Variants in CCDC178 observed in about 807,000 individuals in gnomAD.
CCDC178 encodes coiled-coil domain-containing protein 178.
CCDC178 carries 126 observed loss-of-function variants against 117.4 expected under a neutral mutation model. The ratio of observed to expected loss-of-function variants is 1.07; its 90% confidence interval spans 0.93 to 1.24. The LOEUF (loss-of-function observed/expected upper bound fraction) is 1.24. Among genes scored for constraint, CCDC178 ranks in the 50% most tolerant of loss-of-function variants. The pLI is 0.00. For missense variants in CCDC178, 1,030 were observed against 986.9 expected (o/e 1.04, Z -0.59); for synonymous variants, 283 against 313.4 (o/e 0.90, Z 1.02).
chr18:33,363,817 A>G (rs544869530), intron 6 of CCDC178, among the ~76,000 whole-genome samples: 4 of 152,170 alleles, frequency 2.6e-5, no homozygotes, highest in Admixed American at 2.6e-4. Context: ...CTGTTTTAAG[A>G]AAAGGTCATT....
At chr18:33,319,627 A>G (rs962397593) in intron 11 of CCDC178, among the ~76,000 whole-genome samples, 1 of 152,194 alleles carries the variant, frequency 6.6e-6, no homozygotes. Flanking sequence ...ACTGTCTTCC[A>G]CAATGGTTGA....
chr18:33,241,507 A>G (rs2059488152), intron 15 of CCDC178, among the ~76,000 whole-genome samples: 1 of 151,088 alleles, frequency 6.6e-6, no homozygotes, highest in Non-Finnish European at 1.5e-5. Flanking sequence ...AGAACTGATA[A>G]ATTCCTTAAA....
At chr18:32,965,016 C>T (rs144540638) in intron 22 of CCDC178, among the ~76,000 whole-genome samples, 1,659 of 151,894 alleles carry the variant, frequency 0.011, 15 homozygotes, top group African/African-American at 0.013. Flanking sequence ...ATTAAGTTAA[C>T]GATTTTTGTC....
At chr18:33,049,862 A>G (rs1172158491) in intron 21 of CCDC178, among the ~76,000 whole-genome samples, 1 of 151,082 alleles carries the variant, frequency 6.6e-6, no homozygotes, top group Non-Finnish European at 1.5e-5. Context: ...GGGGGTGGAT[A>G]CTTGAGGTAA....
intron 14 of CCDC178, among the ~76,000 whole-genome samples, chr18:33,261,988 ATTT>A (rs2059756529): frequency 6.6e-6 from 1 of 151,982 alleles, no homozygotes; most frequent in Non-Finnish European, 1.5e-5. Flanking sequence ...TTTCTCTTAT[ATTT>A]TCTAAGTAGA....
intron 15 of CCDC178, among the ~76,000 whole-genome samples, chr18:33,227,556 GTATATA>G (rs145380258): frequency 2.3e-4 from 25 of 110,952 alleles, no homozygotes; most frequent in Middle Eastern, 5.3e-3. Context: ...GTGTGTGTGT[GTATATA>G]TATATATATA....
At chr18:33,228,180 T>C (rs1314098248) in intron 15 of CCDC178, among the ~76,000 whole-genome samples, 1 of 152,326 alleles carries the variant, frequency 6.6e-6, no homozygotes, top group East Asian at 1.9e-4. Context: ...TCTTAGATTA[T>C]GCAGAACCTT....
intron 20 of CCDC178, among the ~76,000 whole-genome samples, chr18:33,154,576 T>C (rs72945335): frequency 0.051 from 7,757 of 152,160 alleles, 301 homozygotes; most frequent in East Asian, 0.11. Context: ...ATAAAACATA[T>C]AAATAATGCA....
chr18:33,414,471 C>T (rs547555195), intron 2 of CCDC178, among the ~76,000 whole-genome samples: 2 of 152,206 alleles, frequency 1.3e-5, no homozygotes, highest in African/African-American at 2.4e-5. Flanking sequence ...ATTTAATAAA[C>T]AGTGCTGGGA....
chr18:33,139,383 A>C (rs1381569558), intron 20 of CCDC178, among the ~76,000 whole-genome samples: 1 of 152,176 alleles, frequency 6.6e-6, no homozygotes, highest in African/African-American at 2.4e-5. Context: ...GAGGGCTCAG[A>C]AGAAGACAAG....
chr18:32,956,127 A>G (rs1327120052), intron 22 of CCDC178, among the ~76,000 whole-genome samples: 2 of 152,138 alleles, frequency 1.3e-5, no homozygotes, highest in Non-Finnish European at 2.9e-5. Context: ...TTAAGTGAGA[A>G]AGATAAAAAC....
At chr18:33,370,341 CA>C in intron 5 of CCDC178, 152 bp from the exon 6 acceptor site, 1 of 432,052 alleles carries the variant, frequency 2.3e-6, no homozygotes, top group East Asian at 3.6e-5. Context: ...AATTATAGAA[CA>C]AATCTTTAAA....
At chr18:32,940,587 T>C (rs548760596) in intron 22 of CCDC178, among the ~76,000 whole-genome samples, 1 of 152,082 alleles carries the variant, frequency 6.6e-6, no homozygotes, top group Admixed American at 6.6e-5. Flanking sequence ...TTTTCTCCCT[T>C]ATGGGGGTTT....
chr18:32,969,018 A>C (rs2054873004), intron 22 of CCDC178, among the ~76,000 whole-genome samples: 1 of 152,008 alleles, frequency 6.6e-6, no homozygotes, highest in South Asian at 2.1e-4. Context: ...CAACCAGTGA[A>C]TGCTTTTGTT....
At chr18:33,427,098 T>C (rs2064135172) in intron 2 of CCDC178, among the ~76,000 whole-genome samples, 2 of 152,072 alleles carry the variant, frequency 1.3e-5, no homozygotes, top group Non-Finnish European at 2.9e-5. Context: ...ATATTCCAGT[T>C]TTCAAGATGC....
intron 22 of CCDC178, among the ~76,000 whole-genome samples, chr18:32,952,280 C>T (rs1383961240): frequency 6.6e-6 from 1 of 152,256 alleles, no homozygotes; most frequent in Non-Finnish European, 1.5e-5. Flanking sequence ...TCCATGAGGG[C>T]TCTGCCCCTG....
At chr18:33,390,508 G>T (rs146557054) in intron 4 of CCDC178, among the ~76,000 whole-genome samples, 1 of 152,148 alleles carries the variant, frequency 6.6e-6, no homozygotes, top group African/African-American at 2.4e-5. Context: ...CCAGTGAAAC[G>T]AATGAGCTGC....
intron 12 of CCDC178, among the ~76,000 whole-genome samples, chr18:33,285,225 A>C (rs2060084217): frequency 6.6e-6 from 1 of 152,146 alleles, no homozygotes; most frequent in African/African-American, 2.4e-5. Context: ...ATATTTGAAA[A>C]TCTTACTCCA....
At chr18:33,312,745 T>C (rs2062359867) in intron 11 of CCDC178, among the ~76,000 whole-genome samples, 1 of 152,120 alleles carries the variant, frequency 6.6e-6, no homozygotes, top group Admixed American at 6.5e-5. Flanking sequence ...ATAAAAGAAA[T>C]CTGGGTGGAA....
Sources: allele counts gnomAD v4.1 joint callset (sites outside exome capture counted in the v4.1 genomes callset), GRCh38; gene constraint gnomAD v4.1.1; transcripts MANE v1.5; gene names NCBI Gene and HGNC (gene_info 2026-07-23, HGNC 2026-07-21).